The following UBL3 variants were observed in gnomAD, a reference collection of about 807,000 sequenced individuals.
UBL3 encodes the protein ubiquitin-like protein 3.
A neutral mutation model predicts 18.4 loss-of-function variants in UBL3; 6 were observed. The ratio of observed to expected loss-of-function variants is 0.33; its 90% CI spans 0.18 to 0.64. UBL3 has a LOEUF of 0.64. UBL3 is among the 30% of genes least tolerant of loss of function. UBL3 has a pLI of 0.76. For missense variants in UBL3, 109 were observed against 142.9 expected, an observed-to-expected ratio of 0.76 and a Z score of 1.21; for synonymous variants, 49 against 46.6, an observed-to-expected ratio of 1.05 and a Z score of -0.21.
intron 1 of UBL3, among the ~76,000 whole-genome samples, chr13:29,839,163 G>C (rs1464642808): frequency 1.3e-5 from 2 of 152,092 alleles, no homozygotes; most frequent in East Asian, 3.9e-4. Context: ...AGTCAAGTGT[G>C]ATACAATAGA....
At chr13:29,775,610 C>A (rs908994052) in intron 2 of UBL3, among the ~76,000 whole-genome samples, 4 of 152,094 alleles carry the variant, frequency 2.6e-5, no homozygotes, top group African/African-American at 9.7e-5. Flanking sequence ...CAACAATTCA[C>A]TTGAGGGAGG....
chr13:29,796,435 T>A (rs967285315), intron 1 of UBL3, among the ~76,000 whole-genome samples: 2 of 152,232 alleles, frequency 1.3e-5, no homozygotes, highest in Admixed American at 6.5e-5. Flanking sequence ...TCTTTAGATA[T>A]TTCCACTAAC....
At chr13:29,797,156 A>G (rs1020334178) in intron 1 of UBL3, among the ~76,000 whole-genome samples, 1 of 152,154 alleles carries the variant, frequency 6.6e-6, no homozygotes, top group Non-Finnish European at 1.5e-5. Flanking sequence ...CTTATTCTTC[A>G]TATTTTAGTA....
intron 1 of UBL3, among the ~76,000 whole-genome samples, chr13:29,799,937 G>T (rs1877715218): frequency 1.3e-5 from 2 of 151,088 alleles, no homozygotes; most frequent in Admixed American, 6.6e-5. Context: ...CACATTGTGG[G>T]TATTGAAAAA....
chr13:29,826,489 G>T (rs552760591), intron 1 of UBL3, among the ~76,000 whole-genome samples: 1 of 152,282 alleles, frequency 6.6e-6, no homozygotes, highest in African/African-American at 2.4e-5. Flanking sequence ...TTGCGTAGAG[G>T]TGTTTATAGT....
chr13:29,791,055 T>C (rs185609065), intron 1 of UBL3, among the ~76,000 whole-genome samples: 1 of 152,306 alleles, frequency 6.6e-6, no homozygotes, highest in African/African-American at 2.4e-5. Context: ...TCCCCTCAAA[T>C]TTGATATGTT....
chr13:29,817,338 T>C (rs1198028544), intron 1 of UBL3, among the ~76,000 whole-genome samples: 1 of 152,222 alleles, frequency 6.6e-6, no homozygotes, highest in African/African-American at 2.4e-5. Flanking sequence ...TTGTTTTGCC[T>C]CTTATCTGAT....
intron 1 of UBL3, among the ~76,000 whole-genome samples, chr13:29,835,149 T>A (rs56818857): frequency 5.8e-3 from 108 of 18,506 alleles, no homozygotes; most frequent in Non-Finnish European, 8.6e-3. Flanking sequence ...TATATATATA[T>A]ATATATATAT....
intron 1 of UBL3, among the ~76,000 whole-genome samples, chr13:29,835,107 A>AT (rs1878896950): frequency 4.2e-5 from 1 of 23,796 alleles, no homozygotes; most frequent in Non-Finnish European, 7.1e-5. Flanking sequence ...TATATATATA[A>AT]ATATATATAT....
chr13:29,818,482 G>T (rs190464068), intron 1 of UBL3, among the ~76,000 whole-genome samples: 5 of 152,270 alleles, frequency 3.3e-5, no homozygotes, highest in Admixed American at 3.3e-4. Flanking sequence ...AATAAAAAAG[G>T]AAGATGAAAA....
intron 1 of UBL3, among the ~76,000 whole-genome samples, chr13:29,820,433 C>A (rs1878403563): frequency 6.6e-6 from 1 of 152,080 alleles, no homozygotes; most frequent in Non-Finnish European, 1.5e-5. Flanking sequence ...GCCTCGGCCT[C>A]CCAAAGTGCT....
intron 1 of UBL3, among the ~76,000 whole-genome samples, chr13:29,833,134 T>C (rs1046381844): frequency 2.0e-5 from 3 of 152,180 alleles, no homozygotes; most frequent in Non-Finnish European, 2.9e-5. Context: ...GGTAAGAAGG[T>C]TGGCCTGGAT....
At chr13:29,834,545 C>G (rs1165497596) in intron 1 of UBL3, among the ~76,000 whole-genome samples, 1 of 152,132 alleles carries the variant, frequency 6.6e-6, no homozygotes, top group African/African-American at 2.4e-5. Flanking sequence ...AATGCTTTCT[C>G]AAAACTTCCA....
intron 3 of UBL3, 121 bp downstream of exon 3, chr13:29,771,991 C>T (rs1232830438): frequency 4.7e-6 from 4 of 843,486 alleles, no homozygotes; most frequent in East Asian, 2.7e-5. Flanking sequence ...CAGAAATAGG[C>T]AGAATTCATA....
intron 1 of UBL3, among the ~76,000 whole-genome samples, chr13:29,846,182 C>T (rs1879224578): frequency 6.6e-6 from 1 of 152,022 alleles, no homozygotes; most frequent in Non-Finnish European, 1.5e-5. Context: ...TAAATAAATA[C>T]ATCATTTAAA....
intron 1 of UBL3, among the ~76,000 whole-genome samples, chr13:29,805,035 G>C (rs1026816906): frequency 6.6e-6 from 1 of 151,982 alleles, no homozygotes; most frequent in Non-Finnish European, 1.5e-5. Flanking sequence ...GTACTAACTT[G>C]AAAGAGCCAG....
chr13:29,788,794 A>C (rs1877391084), intron 1 of UBL3, among the ~76,000 whole-genome samples: 1 of 151,348 alleles, frequency 6.6e-6, no homozygotes, highest in African/African-American at 2.4e-5. Context: ...TAAAAAATTC[A>C]AACAATGCAG....
At chr13:29,810,510 G>T (rs1024264197) in intron 1 of UBL3, among the ~76,000 whole-genome samples, 1 of 152,084 alleles carries the variant, frequency 6.6e-6, no homozygotes, top group African/African-American at 2.4e-5. Context: ...TGTTTAAAAG[G>T]CCAGATGCTG....
intron 1 of UBL3, among the ~76,000 whole-genome samples, chr13:29,793,180 G>A (rs1354894731): frequency 2.6e-5 from 4 of 152,092 alleles, no homozygotes; most frequent in South Asian, 2.1e-4. Context: ...ATTTTAAAAA[G>A]AAACAGCTAA....
Sources: allele counts gnomAD v4.1 joint callset (sites outside exome capture counted in the v4.1 genomes callset), GRCh38; gene constraint gnomAD v4.1.1; transcripts MANE v1.5; gene names NCBI Gene and HGNC (gene_info 2026-07-23, HGNC 2026-07-21).